The following CCDC33 variants were observed in gnomAD, a reference collection of about 807,000 sequenced individuals.
The protein encoded by CCDC33 is coiled-coil domain containing 33.
A neutral mutation model predicts 91.9 loss-of-function variants in CCDC33; 94 were observed. The observed-to-expected ratio is 1.02, with a 90% CI of 0.87 to 1.21. The LOEUF (loss-of-function observed/expected upper bound fraction) is 1.21. Ranked by LOEUF, CCDC33 falls within the 50% of genes most tolerant of loss-of-function variation. CCDC33 has a pLI of 0.00. For synonymous variants in CCDC33, 396 were observed against 374.5 expected (o/e 1.06, Z -0.66); for missense variants, 940 against 935.5 (o/e 1.00, Z -0.06).
intron 11 of CCDC33, chr15:74,299,869 C>T (rs1379123210): frequency 6.6e-6 from 1 of 152,412 alleles, no homozygotes; most frequent in African/African-American, 2.4e-5. Flanking sequence ...CTCTCACTCA[C>T]CTTCTCGCTC....
chr15:74,238,343 G>A (rs1451666452), intron 1 of CCDC33, among the ~76,000 whole-genome samples: 1 of 150,218 alleles, frequency 6.7e-6, no homozygotes. Context: ...AGGAGGCGGA[G>A]GTTGCAGTGA....
At chr15:74,296,986 G>A (rs187252497) in intron 11 of CCDC33, among the ~76,000 whole-genome samples, 2 of 152,212 alleles carry the variant, frequency 1.3e-5, no homozygotes, top group African/African-American at 4.8e-5. Context: ...CCACAGGGAA[G>A]TCCAAGCCAT....
intron 7 of CCDC33, among the ~76,000 whole-genome samples, chr15:74,276,430 C>T (rs1278146618): frequency 2.6e-5 from 4 of 152,150 alleles, no homozygotes; most frequent in South Asian, 2.1e-4. Context: ...AGTGGAGCTC[C>T]GGGAAGCCAT....
Position 74,330,277 on chromosome 15 carries a change from A to G in CCDC33, c.1379A>G (p.Asn460Ser). The G allele has an allele frequency of 6.2e-7, 1 of 1,612,604 alleles. No homozygotes were observed. Among genetic ancestry groups the G allele is most frequent in the South Asian group, 1.1e-5 (1 of 90,984 alleles). ...CAGGCCAGCATCCTGGAAGGAGAGA[A>G]CCGCATACTGAGGAGCCGCCTGGCC... Reference protein sequence around the residue: ...RRQASILEGENRILRSRLAQQ... With the variant: ...RRQASILEGESRILRSRLAQQ... The change falls in exon 12 of 19, where the codon AAC becomes AGC. Residue 460 changes from asparagine (N) to serine (S), a missense_variant. Asn to Ser is a conservative substitution (Grantham distance 46, BLOSUM62 1). Transcript: ENST00000398814.
chr15:74,335,577 C>T (rs553216206), intron 18 of CCDC33: 44 of 338,784 alleles, frequency 1.3e-4, no homozygotes, highest in Admixed American at 1.2e-3. Flanking sequence ...AGTTCAACCC[C>T]GGGACCGCCC....
At chr15:74,314,008 T>TTC (rs2060043460) in intron 11 of CCDC33, among the ~76,000 whole-genome samples, 2 of 152,194 alleles carry the variant, frequency 1.3e-5, no homozygotes, top group African/African-American at 4.8e-5. Flanking sequence ...TCCAGGCTGC[T>TTC]GCTCACCTCC....
intron 11 of CCDC33, among the ~76,000 whole-genome samples, chr15:74,323,026 C>T (rs951030499): frequency 1.3e-5 from 2 of 152,172 alleles, no homozygotes; most frequent in African/African-American, 4.8e-5. Context: ...ACCCCTGCTC[C>T]AGCCCATACC....
intron 1 of CCDC33, among the ~76,000 whole-genome samples, chr15:74,204,524 A>G (rs2074212037): frequency 6.6e-6 from 1 of 152,198 alleles, no homozygotes; most frequent in Non-Finnish European, 1.5e-5. Context: ...GGGAGCAGCC[A>G]ACTCCCATCT....
At chr15:74,222,237 T>G (rs2142156146) in intron 2 of CCDC33, among the ~76,000 whole-genome samples, 1 of 152,274 alleles carries the variant, frequency 6.6e-6, no homozygotes, top group South Asian at 2.1e-4. Context: ...CCCACTGGCA[T>G]AGCTGTTCAA....
intron 5 of CCDC33, among the ~76,000 whole-genome samples, chr15:74,269,603 A>AC (rs1170548878): frequency 6.6e-6 from 1 of 152,106 alleles, no homozygotes; most frequent in African/African-American, 2.4e-5. Context: ...CCCAGGCCGC[A>AC]CCCCACAGGG....
rs1333595039 is a variant in CCDC33, at chr15:74,244,124, C to A, written c.161C>A (p.Ser54Tyr). ...ATNLPACKDGSEPWPYVVVKS... is the reference protein window; with the variant it reads ...ATNLPACKDGYEPWPYVVVKS... Reference sequence around the variant, plus strand: ...AACCTGCCTGCCTGCAAGGATGGCTCCGAGCCGTGGCCCTATGTGGTGGTG... The same window carrying A: ...AACCTGCCTGCCTGCAAGGATGGCTACGAGCCGTGGCCCTATGTGGTGGTG... The change falls in exon 2 of 19, where the codon TCC becomes TAC. Residue 54 changes from serine to tyrosine, a missense_variant. By Grantham distance (144) the Ser-to-Tyr change is moderately radical. Coordinates refer to ENST00000398814, the MANE Select transcript of CCDC33 (RefSeq NM_025055.5). This position sits in a 1 kb window ranked among gnomAD's most constrained non-coding sequence, Gnocchi z 4.2. 2 of 1,613,442 alleles carry A rather than the reference C, an allele frequency of 1.2e-6. No homozygotes were observed. Among genetic ancestry groups the A allele is most frequent in the South Asian group, 1.1e-5 (1 of 91,026 alleles).
At chr15:74,207,947 T>A (rs2074299729) in intron 1 of CCDC33, 1 of 1,445,590 alleles carries the variant, frequency 6.9e-7, no homozygotes, top group East Asian at 2.5e-5. Context: ...CCACCTCCTG[T>A]CTCTCTACCT....
At chr15:74,238,823 G>T (rs2075260185) in intron 1 of CCDC33, among the ~76,000 whole-genome samples, 1 of 152,310 alleles carries the variant, frequency 6.6e-6, no homozygotes, top group East Asian at 1.9e-4. Context: ...AAGGAAGCAT[G>T]GTTAGAGCAC....
At chr15:74,307,908 T>C (rs4887133) in intron 11 of CCDC33, among the ~76,000 whole-genome samples, 80,872 of 142,450 alleles carry the variant, frequency 0.57, 23,957 homozygotes, top group Non-Finnish European at 0.68. Context: ...ACCCCACCCA[T>C]CCCCTTTTCT....
chr15:74,228,642 G>C (rs2074873200), intron 2 of CCDC33, among the ~76,000 whole-genome samples: 1 of 152,198 alleles, frequency 6.6e-6, no homozygotes, highest in African/African-American at 2.4e-5. Flanking sequence ...GTCACTATTG[G>C]GCCAGTGGAG....
chr15:74,282,434 G>A (rs372172106), intron 10 of CCDC33, among the ~76,000 whole-genome samples: 12 of 152,112 alleles, frequency 7.9e-5, no homozygotes, highest in African/African-American at 2.7e-4. Context: ...CAATGGCCCC[G>A]TTCATCTTAA....
chr15:74,332,117 A>T (rs1486614763), intron 15 of CCDC33, among the ~76,000 whole-genome samples: 1 of 152,216 alleles, frequency 6.6e-6, no homozygotes, highest in Non-Finnish European at 1.5e-5. Context: ...TCAGCCTCTG[A>T]TAAGCAGAAA....
At chr15:74,279,630 G>A (rs1004883308) in intron 7 of CCDC33, among the ~76,000 whole-genome samples, 5 of 152,034 alleles carry the variant, frequency 3.3e-5, no homozygotes, top group African/African-American at 9.7e-5. Context: ...CTGCCCCCCC[G>A]GGTTCAAGCA....
intron 2 of CCDC33, chr15:74,221,416 C>G: frequency 2.8e-6 from 2 of 712,648 alleles, no homozygotes; most frequent in Non-Finnish European, 3.4e-6. Context: ...GAATCAGAAT[C>G]ATTTTGCTTC....
Sources: gnomAD v4.1 joint callset for allele counts (sites outside exome capture counted in the v4.1 genomes callset) on GRCh38, gnomAD v4.1.1 for gene constraint, Gnocchi (gnomAD v3.1) non-coding constraint, MANE v1.5 for transcripts, NCBI Gene and HGNC (gene_info 2026-07-23, HGNC 2026-07-21) for gene names.